ITGB2: variants seen among roughly 807,000 people sequenced by gnomAD.
ITGB2 encodes the protein integrin beta-2.
Under a neutral mutation model 86.8 loss-of-function variants are expected in ITGB2, and 56 were observed. That is an observed-to-expected ratio of 0.65 (90% CI 0.52 to 0.81). The LOEUF is 0.81. Among genes scored for constraint, ITGB2 ranks in the 30% least tolerant of loss-of-function variants. ITGB2 has a pLI of 0.00. For synonymous variants in ITGB2, 457 were observed against 450.4 expected (o/e 1.01, Z -0.19); for missense variants, 948 against 1,061.2 (o/e 0.89, Z 1.48).
chr21:44,913,921 CTGTCACCT>C (rs1221754063), intron 1 of ITGB2, among the ~76,000 whole-genome samples: 1 of 152,216 alleles, frequency 6.6e-6, no homozygotes, highest in Admixed American at 6.5e-5. Flanking sequence ...TGCCTGGCCA[CTGTCACCT>C]CTGGTGCCCT....
intron 4 of ITGB2, among the ~76,000 whole-genome samples, chr21:44,903,798 G>C (rs964591785): frequency 6.6e-6 from 1 of 152,138 alleles, no homozygotes; most frequent in African/African-American, 2.4e-5. Flanking sequence ...GGGGTGCTTA[G>C]AGTTGACGCC....
At chr21:44,910,892 C>T in intron 1 of ITGB2, 107 bp from the exon 2 acceptor site, 1 of 1,163,952 alleles carries the variant, frequency 8.6e-7, no homozygotes, top group Non-Finnish European at 1.2e-6. Context: ...GGGGCCCTGT[C>T]CCTGCTGCAG....
rs1040372275 is a variant in ITGB2 at position 44,905,212 on chromosome 21, C to A, written c.329-1677G>T. On this transcript the variant is annotated intron_variant, in intron 4 of 15. Coordinates refer to ENST00000652462, the MANE Select transcript of ITGB2 (RefSeq NM_000211.5). ...CTGCGGGGGTAGGGCCAGGACCCCG[C>A]GAGAGGACAGTCCCTTCCCAGATCC... Among the ~76,000 whole-genome samples the A allele has an allele frequency of 5.9e-5, 9 of 152,174 alleles. No homozygotes were observed. The East Asian group carries it at 9.7e-4, about 16-fold the overall frequency.
At chr21:44,926,064 C>T (rs938581315) in intron 1 of ITGB2, among the ~76,000 whole-genome samples, 1 of 152,172 alleles carries the variant, frequency 6.6e-6, no homozygotes, top group Non-Finnish European at 1.5e-5. Flanking sequence ...AAGATCGTGC[C>T]ACTGCACTCC....
At chr21:44,925,424 GA>G (rs1481823616), upstream of ITGB2, among the ~76,000 whole-genome samples, 12 of 48,116 alleles carry the variant, frequency 2.5e-4, no homozygotes, top group African/African-American at 7.5e-4. Flanking sequence ...GGGAGGGAGG[GA>G]AGGAAGGAAG....
rs767565450 is a variant in ITGB2, at chr21:44,910,621, C to T, written c.58+104G>A. On this transcript the variant is annotated intron_variant, in intron 2 of 15. Coordinates refer to ENST00000652462, the MANE Select transcript of ITGB2 (RefSeq NM_000211.5). ...CTACCCCCAGTGGCAAGGTCCTTCC[C>T]CAGCCTCCCGGGAACTTCTGTCTAT... The T allele has an allele frequency of 6.6e-5, 96 of 1,464,046 alleles. No individual in the cohort carries two copies. In the African/African-American group the frequency reaches 1.3e-3, roughly 20 times the overall value. The allele number at this position is 1,464,046 out of a possible 1,614,324, so 90.7% of individuals were successfully genotyped here.
rs1164608021 is a variant in ITGB2, at chr21:44,910,304, A to T, written c.127T>A (p.Cys43Ser). 1 of 1,613,998 alleles carries T rather than the reference A, an allele frequency of 6.2e-7. No homozygotes were observed. The highest frequency in any genetic ancestry group is 8.5e-7 in the Non-Finnish European group (1 of 1,180,018). Residue 43 changes from cysteine to serine, a missense_variant, in exon 3 of 16, where the codon TGC becomes AGC. Transcript: ENST00000652462. Reference protein sequence around the residue: ...CRECIESGPGCTWCQKLNFTG... With the variant: ...CRECIESGPGSTWCQKLNFTG... ...CTTACCAGCTTCTGGCACCAGGTGC[A>T]GCCGGGCCCCGACTCGATGCATTCC...
chr21:44,890,993 T>C (rs1404767277), intron 11 of ITGB2, among the ~76,000 whole-genome samples: 3 of 148,992 alleles, frequency 2.0e-5, no homozygotes, highest in African/African-American at 5.0e-5. Context: ...TCCTGAGATA[T>C]GGGAGGAGGC....
rs1438389239 is a variant in ITGB2, at chr21:44,888,691, A to G, written c.2080+2T>C. On this transcript the variant is annotated splice_donor_variant, in intron 14 of 15. Transcript: ENST00000652462. LOFTEE classifies it high-confidence loss of function. ...GTCCCCGCTGCACCCCAGCGGCCTC[A>G]CCTCGGCTCTCATCCACATAGATGA... 1.2e-6 allele frequency: 2 copies of G among 1,607,116 alleles called. No homozygotes were observed. Among genetic ancestry groups the G allele is most frequent in the Non-Finnish European group, 1.7e-6 (2 of 1,179,892 alleles).
Position 44,920,807 on chromosome 21 carries a change from C to G in ITGB2, c.-4+14G>C, listed in dbSNP as rs1420867556. On this transcript the variant is annotated intron_variant, in intron 1 of 15. Coordinates refer to ENST00000652462, the MANE Select transcript of ITGB2 (RefSeq NM_000211.5). ...AAAATCACCGTGGACATAGCGGGGCCTCTGCACACTCACCCTCGGTGTGCT... is the reference window on the plus strand; with the variant it reads ...AAAATCACCGTGGACATAGCGGGGCGTCTGCACACTCACCCTCGGTGTGCT... 2 of 152,502 alleles carry G rather than the reference C, an allele frequency of 1.3e-5. No homozygotes were observed. Among genetic ancestry groups the G allele is most frequent in the African/African-American group, 4.8e-5 (2 of 41,456 alleles). 9.4% of individuals were successfully genotyped at this position (152,502 alleles called of 1,614,324 possible).
rs202051683 is a variant in ITGB2 at position 44,890,171 on chromosome 21, C to T, written c.1464G>A (p.Arg488=). The T allele has an allele frequency of 1.5e-4, 234 of 1,613,292 alleles. No homozygotes were observed. The South Asian group carries it at 2.4e-3, about 17-fold the overall frequency. ...AGCTTCCTTCCAGCTCCTGGCTGCT[C>T]CGGCCCTGTGTCTGGCACTCACAGT... ...GKNCECQTQG[R]SSQELEGSCR... is the part of the protein sequence containing the mutation. Residue 488 remains arginine (R), a synonymous_variant, in exon 12 of 16, where the codon CGG becomes CGA. Coordinates refer to ENST00000652462, the MANE Select transcript of ITGB2 (RefSeq NM_000211.5).
intron 14 of ITGB2, 141 bp from the exon 15 acceptor site, chr21:44,887,043 G>A: frequency 9.9e-7 from 1 of 1,014,144 alleles, no homozygotes; most frequent in Non-Finnish European, 1.5e-6. Context: ...CCATCACCAT[G>A]GCCAGGGGTC....
intron 1 of ITGB2, among the ~76,000 whole-genome samples, chr21:44,913,746 C>T (rs935136375): frequency 1.3e-5 from 2 of 152,208 alleles, no homozygotes; most frequent in African/African-American, 4.8e-5. Context: ...GGATGGCCCA[C>T]GGAGGTCCAG....
At chr21:44,919,207 C>T (rs1369608238) in intron 1 of ITGB2, among the ~76,000 whole-genome samples, 1 of 152,162 alleles carries the variant, frequency 6.6e-6, no homozygotes, top group Admixed American at 6.5e-5. Flanking sequence ...GTTCTGTGGC[C>T]CTGCTCAGGA....
At chr21:44,908,154 G>A in intron 3 of ITGB2, 1 of 746,102 alleles carries the variant, frequency 1.3e-6, no homozygotes, top group Non-Finnish European at 2.5e-6. Context: ...CGCCGCGGTG[G>A]CGTGGGCTGG....
Position 44,901,441 on chromosome 21 carries a change from G to A in ITGB2, c.741+51C>T, listed in dbSNP as rs373149356. The A allele has an allele frequency of 2.9e-5, 46 of 1,599,486 alleles. No individual in the cohort carries two copies. The African/African-American group carries it at 4.7e-4, about 16-fold the overall frequency. ...CTGCCCCCACACAGCGCCTGACAGA[G>A]CCCCCCACACTGGGGGAACGTGGGG... On this transcript the variant is annotated intron_variant, in intron 6 of 15. Coordinates refer to ENST00000652462, the MANE Select transcript of ITGB2 (RefSeq NM_000211.5).
rs147019232 is a variant in ITGB2 at position 44,916,452 on chromosome 21, C to T, written c.-4+4369G>A. ...GGGTGGCGACGTGAGGCCGAGGCCC[C>T]GGACACTCTTGCTGTGGACATAAAA... On this transcript the variant is annotated intron_variant, in intron 1 of 15. Transcript: ENST00000652462. 7.2e-4 allele frequency among the ~76,000 whole-genome samples: 109 copies of T among 152,158 alleles called. 1 individual carries two copies. The highest frequency in any genetic ancestry group is 1.8e-3 in the Admixed American group (27 of 15,290).
chr21:44,899,310 G>A (rs2083913413), intron 7 of ITGB2, 148 bp from the exon 8 acceptor site: 2 of 692,822 alleles, frequency 2.9e-6, no homozygotes, highest in Non-Finnish European at 5.2e-6. Context: ...TGCCACGCAG[G>A]AGTGCAGGGC....
rs1464022458 is a variant in ITGB2 at position 44,893,864 on chromosome 21, G to A, written c.1084-320C>T. ...CAGGAGCTGCATAAATTGTTCAAGC[G>A]ATAAGAGAGATGGGGAGAAACAGAG... On this transcript the variant is annotated intron_variant, in intron 9 of 15. Coordinates refer to ENST00000652462, the MANE Select transcript of ITGB2 (RefSeq NM_000211.5). 1.6e-4 allele frequency: 60 copies of A among 374,790 alleles called. 1 individual carries two copies. The East Asian group carries it at 3.6e-3, about 22-fold the overall frequency. 23.2% of individuals were successfully genotyped at this position (374,790 alleles called of 1,614,324 possible).
Sources: allele counts gnomAD v4.1 joint callset (sites outside exome capture counted in the v4.1 genomes callset), GRCh38; gene constraint gnomAD v4.1.1; transcripts MANE v1.5; gene names NCBI Gene and HGNC (gene_info 2026-07-23, HGNC 2026-07-21).